PDE1A: variants seen among roughly 807,000 people sequenced by gnomAD.
PDE1A encodes the protein phosphodiesterase 1A.
Under a neutral mutation model 61.7 loss-of-function variants are expected in PDE1A, and 35 were observed. The ratio of observed to expected loss-of-function variants is 0.57; its 90% CI spans 0.43 to 0.75. The LOEUF (loss-of-function observed/expected upper bound fraction) is 0.75. Among genes scored for constraint, PDE1A ranks in the 30% least tolerant of loss-of-function variants. PDE1A has a pLI of 0.00. For missense variants in PDE1A, 597 were observed against 630.6 expected, an observed-to-expected ratio of 0.95 and a Z score of 0.57; for synonymous variants, 232 against 213.2, an observed-to-expected ratio of 1.09 and a Z score of -0.77.
At chr2:182,261,635 C>A (rs1006728252) in intron 2 of PDE1A, among the ~76,000 whole-genome samples, 2 of 152,070 alleles carry the variant, frequency 1.3e-5, no homozygotes, top group East Asian at 1.9e-4. Flanking sequence ...CGCAAAAGAG[C>A]AATTTTCAAA....
chr2:182,172,725 G>T (rs960155483), intron 13 of PDE1A, among the ~76,000 whole-genome samples: 2 of 152,070 alleles, frequency 1.3e-5, no homozygotes, highest in African/African-American at 4.8e-5. Context: ...GCTTCTTGGA[G>T]AAGATGGCAT....
the PDE1A span, among the ~76,000 whole-genome samples, chr2:182,626,760 T>C: frequency 7.6e-3 from 78 of 10,318 alleles, 4 homozygotes; most frequent in South Asian, 0.072. Flanking sequence ...TATATATATA[T>C]ACATATATAT....
intron 2 of PDE1A, among the ~76,000 whole-genome samples, chr2:182,449,541 C>T (rs1574683965): frequency 6.6e-6 from 1 of 152,046 alleles, no homozygotes; most frequent in East Asian, 1.9e-4. Flanking sequence ...TTGTCAACAA[C>T]ATTTCAAGTT....
intron 2 of PDE1A, among the ~76,000 whole-genome samples, chr2:182,478,405 T>A (rs536930668): frequency 6.6e-6 from 1 of 151,848 alleles, no homozygotes; most frequent in African/African-American, 2.4e-5. Flanking sequence ...CCTGGAGCAC[T>A]GCATTGAGGA....
chr2:182,296,537 G>A (rs1694898135), intron 1 of PDE1A, among the ~76,000 whole-genome samples: 1 of 152,082 alleles, frequency 6.6e-6, no homozygotes, highest in African/African-American at 2.4e-5. Context: ...TTTCCCTAAG[G>A]GCATAGCAAT....
chr2:182,249,457 A>T (rs935669925), intron 2 of PDE1A, among the ~76,000 whole-genome samples: 1 of 152,116 alleles, frequency 6.6e-6, no homozygotes, highest in African/African-American at 2.4e-5. Context: ...GGAGAGGAAC[A>T]CCAAAGAGAG....
intron 2 of PDE1A, among the ~76,000 whole-genome samples, chr2:182,260,399 G>A (rs1207876131): frequency 6.6e-6 from 1 of 152,122 alleles, no homozygotes; most frequent in Admixed American, 6.5e-5. Context: ...AGTTTTAAGG[G>A]AAATGGTACT....
the PDE1A span, among the ~76,000 whole-genome samples, chr2:182,549,347 T>C: frequency 2.6e-5 from 4 of 152,070 alleles, no homozygotes; most frequent in East Asian, 7.7e-4. Flanking sequence ...GTATTGATTA[T>C]GCAAAAAGGC....
At chr2:182,328,827 T>A (rs1391582724) in intron 1 of PDE1A, among the ~76,000 whole-genome samples, 1 of 152,018 alleles carries the variant, frequency 6.6e-6, no homozygotes, top group Admixed American at 6.6e-5. Context: ...TAAGTAAGGG[T>A]CTCTGCATTA....
At chr2:182,454,306 G>A (rs1685744829) in intron 2 of PDE1A, among the ~76,000 whole-genome samples, 1 of 152,080 alleles carries the variant, frequency 6.6e-6, no homozygotes, top group Non-Finnish European at 1.5e-5. Flanking sequence ...ATGCTCATGG[G>A]TAGGAAGAAT....
At chr2:182,354,266 G>A (rs1438065) in intron 1 of PDE1A, among the ~76,000 whole-genome samples, 41,195 of 151,940 alleles carry the variant, frequency 0.27, 6,096 homozygotes, top group East Asian at 0.42. Context: ...CAGCTATTTT[G>A]TACTACATGC....
chr2:182,188,842 T>C (rs942574421), intron 11 of PDE1A, 137 bp downstream of exon 11: 1 of 626,824 alleles, frequency 1.6e-6, no homozygotes, highest in African/African-American at 1.8e-5. Flanking sequence ...ACCACATAGA[T>C]CCATTTAAAA....
chr2:182,526,477 G>A (rs1368448300), upstream of PDE1A, among the ~76,000 whole-genome samples: 1 of 152,128 alleles, frequency 6.6e-6, no homozygotes, highest in Non-Finnish European at 1.5e-5. Context: ...AACCATAAAA[G>A]GCTACCCATG....
the PDE1A span, among the ~76,000 whole-genome samples, chr2:182,619,828 G>T: frequency 6.6e-6 from 1 of 152,124 alleles, no homozygotes; most frequent in African/African-American, 2.4e-5. Flanking sequence ...CTGGAGACTG[G>T]AAAGTCCTAG....
chr2:182,250,869 T>G (rs966571962), intron 2 of PDE1A, among the ~76,000 whole-genome samples: 4 of 152,122 alleles, frequency 2.6e-5, no homozygotes, highest in Non-Finnish European at 4.4e-5. Context: ...GTGGAGGCAG[T>G]GGAGGTCCTG....
At chr2:182,245,951 G>A (rs984788522) in intron 2 of PDE1A, among the ~76,000 whole-genome samples, 2 of 152,170 alleles carry the variant, frequency 1.3e-5, no homozygotes, top group African/African-American at 4.8e-5. Flanking sequence ...ATGAGCCAGA[G>A]GCCAAGCTGC....
At chr2:182,697,976 C>A in the PDE1A span, among the ~76,000 whole-genome samples, 3 of 152,190 alleles carry the variant, frequency 2.0e-5, no homozygotes. Flanking sequence ...GCCAAATAGG[C>A]ACTCAATAAA....
chr2:182,157,150 G>T (rs1346957411), intron 13 of PDE1A, among the ~76,000 whole-genome samples: 1 of 151,790 alleles, frequency 6.6e-6, no homozygotes, highest in African/African-American at 2.4e-5. Context: ...CAGTAGCTGG[G>T]ATTACAGGCA....
At chr2:182,541,274 C>G in the PDE1A span, among the ~76,000 whole-genome samples, 1 of 152,188 alleles carries the variant, frequency 6.6e-6, no homozygotes, top group African/African-American at 2.4e-5. Context: ...TTCACAGGAA[C>G]TGGGTTCAGG....
Sources: allele counts gnomAD v4.1 joint callset (sites outside exome capture counted in the v4.1 genomes callset), GRCh38; gene constraint gnomAD v4.1.1; transcripts MANE v1.5; gene names NCBI Gene and HGNC (gene_info 2026-07-23, HGNC 2026-07-21).